The following HOMER2 variants were observed in gnomAD, a reference collection of about 807,000 sequenced individuals.
HOMER2 encodes homer scaffold protein 2.
A neutral mutation model predicts 47.0 loss-of-function variants in HOMER2; 27 were observed. That is an observed-to-expected ratio of 0.57 (90% CI 0.42 to 0.79). The LOEUF is 0.79. HOMER2 is among the 30% of genes least tolerant of loss of function. The pLI is 0.00. For synonymous variants in HOMER2, 161 were observed against 163.8 expected (o/e 0.98, Z 0.13); for missense variants, 443 against 435.0 (o/e 1.02, Z -0.16).
At chr15:82,912,144 C>T (rs2053470784) in intron 1 of HOMER2, among the ~76,000 whole-genome samples, 1 of 152,166 alleles carries the variant, frequency 6.6e-6, no homozygotes, top group Non-Finnish European at 1.5e-5. Context: ...GTCCCCAATT[C>T]AGTGGCTTTT....
At chr15:82,841,338 G>A (rs1304553648) in exon 2 of HOMER2, 1 of 152,068 alleles carries the variant, frequency 6.6e-6, no homozygotes, top group African/African-American at 2.4e-5. Flanking sequence ...TCATAATAGA[G>A]AAAAGCCAGT....
At chr15:82,975,051 CAGAG>C (rs1352202033) in intron 1 of HOMER2, among the ~76,000 whole-genome samples, 1 of 152,122 alleles carries the variant, frequency 6.6e-6, no homozygotes, top group Non-Finnish European at 1.5e-5. Flanking sequence ...GCCTGGGCAA[CAGAG>C]AGACTGTCTC....
chr15:82,980,016 G>A (rs2030337985), intron 1 of HOMER2, among the ~76,000 whole-genome samples: 1 of 152,066 alleles, frequency 6.6e-6, no homozygotes, highest in Non-Finnish European at 1.5e-5. Flanking sequence ...AAGGTTATGG[G>A]GATACCAACT....
At chr15:82,930,820 G>GT (rs775393422) in intron 1 of HOMER2, among the ~76,000 whole-genome samples, 6 of 152,160 alleles carry the variant, frequency 3.9e-5, no homozygotes, top group Non-Finnish European at 8.8e-5. Flanking sequence ...GAGGTCTGGA[G>GT]TTTGAGACCA....
intron 1 of HOMER2, among the ~76,000 whole-genome samples, chr15:82,900,300 A>T (rs571840276): frequency 2.6e-5 from 4 of 152,274 alleles, no homozygotes. Flanking sequence ...CCCATTTTTT[A>T]AAAAACCCAA....
chr15:82,841,793 T>A (rs891074739), exon 2 of HOMER2: 5 of 152,214 alleles, frequency 3.3e-5, no homozygotes, highest in African/African-American at 1.2e-4. Context: ...TAAACTATTA[T>A]ACAACTACAC....
intron 5 of HOMER2, among the ~76,000 whole-genome samples, chr15:82,857,069 C>T (rs538723650): frequency 9.9e-5 from 15 of 152,024 alleles, no homozygotes; most frequent in South Asian, 6.2e-4. Flanking sequence ...TAAATTCATA[C>T]GTTGAAACCC....
intron 5 of HOMER2, 144 bp from the exon 6 acceptor site, chr15:82,854,944 T>A: frequency 1.2e-6 from 1 of 867,238 alleles, no homozygotes; most frequent in Non-Finnish European, 1.7e-6. Context: ...CAGGTGGGTC[T>A]GGCTACCCTG....
At chr15:82,842,604 A>G (rs1256456) in exon 2 of HOMER2, 125,328 of 151,778 alleles carry the variant, frequency 0.83, 52,105 homozygotes, top group East Asian at 0.93. Flanking sequence ...GTGAGCCACC[A>G]TGCCCGGCCT....
intron 1 of HOMER2, among the ~76,000 whole-genome samples, chr15:82,970,508 C>T (rs982654790): frequency 4.6e-5 from 7 of 152,210 alleles, no homozygotes; most frequent in Non-Finnish European, 8.8e-5. Context: ...TTGATCCTTA[C>T]TTCCCATACA....
intron 1 of HOMER2, among the ~76,000 whole-genome samples, chr15:82,969,905 A>G (rs2029925982): frequency 6.6e-6 from 1 of 152,232 alleles, no homozygotes; most frequent in Non-Finnish European, 1.5e-5. Context: ...TTGTATCCTC[A>G]ACAACTACAG....
chr15:82,978,911 G>A (rs568858386), intron 1 of HOMER2, among the ~76,000 whole-genome samples: 45 of 152,232 alleles, frequency 3.0e-4, no homozygotes, highest in African/African-American at 9.9e-4. Flanking sequence ...AGTAGAGACC[G>A]GGTTTCACCG....
chr15:82,984,581 G>A (rs1036006762), intron 1 of HOMER2, among the ~76,000 whole-genome samples: 7 of 152,202 alleles, frequency 4.6e-5, no homozygotes, highest in Non-Finnish European at 1.0e-4. Flanking sequence ...CCCTTTGGGA[G>A]GCTGAGGTGG....
At chr15:82,894,685 A>G (rs563606557) in intron 1 of HOMER2, among the ~76,000 whole-genome samples, 1 of 151,920 alleles carries the variant, frequency 6.6e-6, no homozygotes, top group East Asian at 1.9e-4. Flanking sequence ...AAAAAAAAAA[A>G]AAATAGTCCC....
At chr15:82,851,300 A>G in intron 7 of HOMER2, 69 bp from the exon 8 acceptor site, 1 of 1,081,680 alleles carries the variant, frequency 9.2e-7, no homozygotes, top group Non-Finnish European at 1.4e-6. Context: ...AAAATCACCA[A>G]TGTGTGCACG....
At chr15:82,974,352 C>T (rs922068655) in intron 1 of HOMER2, among the ~76,000 whole-genome samples, 4 of 150,166 alleles carry the variant, frequency 2.7e-5, no homozygotes, top group African/African-American at 4.9e-5. Context: ...TGCAGTGAGC[C>T]GAGATCGCGC....
At chr15:82,862,717 G>T (rs527249728) in intron 4 of HOMER2, among the ~76,000 whole-genome samples, 1 of 152,092 alleles carries the variant, frequency 6.6e-6, no homozygotes. Context: ...ACCTGAAATC[G>T]AATTCACATG....
At chr15:82,925,428 A>C (rs1444315025) in intron 1 of HOMER2, among the ~76,000 whole-genome samples, 1 of 152,168 alleles carries the variant, frequency 6.6e-6, no homozygotes, top group Non-Finnish European at 1.5e-5. Flanking sequence ...TCTTCCTCCC[A>C]TGATAGCAGC....
intron 3 of HOMER2, among the ~76,000 whole-genome samples, chr15:82,866,779 G>A (rs2051982303): frequency 6.6e-6 from 1 of 152,182 alleles, no homozygotes; most frequent in Non-Finnish European, 1.5e-5. Context: ...TGTGAGACAT[G>A]CTCTCCACCT....
Sources: allele counts gnomAD v4.1 joint callset (sites outside exome capture counted in the v4.1 genomes callset), GRCh38; gene constraint gnomAD v4.1.1; transcripts MANE v1.5; gene names NCBI Gene and HGNC (gene_info 2026-07-23, HGNC 2026-07-21).